The following CLIP2 variants were observed in gnomAD, a reference collection of about 807,000 sequenced individuals.
The protein encoded by CLIP2 is CAP-Gly domain-containing linker protein 2.
Under a neutral mutation model 111.7 loss-of-function variants are expected in CLIP2, and 41 were observed. The ratio of observed to expected loss-of-function variants is 0.37; its 90% CI spans 0.29 to 0.48. The LOEUF (loss-of-function observed/expected upper bound fraction) is 0.48. Among genes scored for constraint, CLIP2 ranks in the 20% least tolerant of loss-of-function variants. The pLI is 0.99. For missense variants in CLIP2, 1,160 were observed against 1,422.1 expected, an observed-to-expected ratio of 0.82 and a Z score of 2.96; for synonymous variants, 660 against 644.2, an observed-to-expected ratio of 1.02 and a Z score of -0.37.
chr7:74,294,585 G>A (rs545494749), intron 1 of CLIP2, among the ~76,000 whole-genome samples: 1 of 152,280 alleles, frequency 6.6e-6, no homozygotes, highest in South Asian at 2.1e-4. Context: ...ACCAGGAGGA[G>A]CGCCTGGTTT....
chr7:74,383,900 C>T (rs1554314360), intron 11 of CLIP2, among the ~76,000 whole-genome samples: 1 of 152,196 alleles, frequency 6.6e-6, no homozygotes, highest in Non-Finnish European at 1.5e-5. Context: ...CTTCTCCATC[C>T]TCCTCTCCCC....
chr7:74,354,665 G>A (rs1294728878), intron 4 of CLIP2, among the ~76,000 whole-genome samples: 1 of 152,052 alleles, frequency 6.6e-6, no homozygotes, highest in Non-Finnish European at 1.5e-5. Context: ...CAGCTACTTG[G>A]GAGGCTGAGA....
In CLIP2 at chr7:74,339,013, G is replaced by A. The variant is rs782550523; in HGVS notation, c.678+9G>A. The A allele has an allele frequency of 8.5e-5, 135 of 1,580,816 alleles. 5 individuals carry two copies. Among genetic ancestry groups the A allele is most frequent in the African/African-American group, 3.7e-4 (28 of 74,684 alleles). ...TGGGGGACCGCGTGCTGGTGAGTGC[G>A]GGCAGTACTGGGCTCTGGGCCCAGC... On this transcript the variant is annotated intron_variant, in intron 3 of 16. Coordinates refer to ENST00000223398, the MANE Select transcript of CLIP2 (RefSeq NM_003388.5).
intron 2 of CLIP2, among the ~76,000 whole-genome samples, chr7:74,324,188 C>T (rs782750997): frequency 3.9e-5 from 6 of 151,998 alleles, no homozygotes; most frequent in Non-Finnish European, 7.4e-5. Flanking sequence ...GACAGAGTTT[C>T]GCCATGTTGG....
rs552570911 is a variant in CLIP2 at position 74,312,944 on chromosome 7, G to A, written c.-67-4536G>A. 2.2e-4 allele frequency among the ~76,000 whole-genome samples: 34 copies of A among 152,138 alleles called. No homozygotes were observed. The South Asian group carries it at 7.1e-3, about 32-fold the overall frequency. ...ATGCCCTCACGCACATTCCTGACGC[G>A]AGCATTGTGGGTTGGCATCTGTATT... On this transcript the variant is annotated intron_variant, in intron 1 of 16. Coordinates refer to ENST00000223398, the MANE Select transcript of CLIP2 (RefSeq NM_003388.5).
At chr7:74,392,505 C>T (rs1371861015) in intron 13 of CLIP2, among the ~76,000 whole-genome samples, 1 of 151,936 alleles carries the variant, frequency 6.6e-6, no homozygotes, top group African/African-American at 2.4e-5. Flanking sequence ...GCCTGGGCGA[C>T]AGAGCAAGAC....
rs1789570090 is a variant in CLIP2 at position 74,338,949 on chromosome 7, A to T, written c.623A>T (p.Asp208Val). Residue 208 changes from aspartate to valine, a missense_variant, in exon 3 of 17, where the codon GAC (aspartate) becomes GTC (valine). Asp to Val is a radical substitution (Grantham distance 152, BLOSUM62 -3). Transcript: ENST00000223398. This position sits in a 1 kb window ranked among gnomAD's most constrained non-coding sequence, Gnocchi z 4.3. Reference sequence around the variant, plus strand: ...AACGAGTCGGGATCCAACCTCTCAGACAGCGGCTCTGTGAAGCGGGGCGAA... The same window carrying T: ...AACGAGTCGGGATCCAACCTCTCAGTCAGCGGCTCTGTGAAGCGGGGCGAA... ...TGNESGSNLS[D>V]SGSVKRGEKD... 6.3e-7 allele frequency: 1 copy of T among 1,599,818 alleles called. No individual in the cohort carries two copies. The highest frequency in any genetic ancestry group is 1.1e-5 in the South Asian group (1 of 91,086).
At chr7:74,343,380 T>C (rs1584344171) in intron 3 of CLIP2, among the ~76,000 whole-genome samples, 1 of 152,102 alleles carries the variant, frequency 6.6e-6, no homozygotes, top group Non-Finnish European at 1.5e-5. Flanking sequence ...TTAGTCTCCC[T>C]GACCTGTCCT....
rs2116424198 is a variant in CLIP2 at position 74,289,473 on chromosome 7, C to T, written c.-329C>T. On this transcript the variant is annotated 5_prime_UTR_variant, in exon 1 of 17. Transcript: ENST00000223398. The stretch of plus-strand genomic sequence containing the variant: ...CTCCGCTGGCTCCGCGGGCGCTCAG[C>T]TCGGCTCGGCCGCGGGGCGCGCAGG... The T allele has an allele frequency of 6.6e-6, 1 of 150,964 alleles. No homozygotes were observed. Among genetic ancestry groups the T allele is most frequent in the South Asian group, 2.1e-4 (1 of 4,826 alleles). The allele number at this position is 150,964 out of a possible 1,614,324, so 9.4% of individuals were successfully genotyped here.
intron 11 of CLIP2, among the ~76,000 whole-genome samples, chr7:74,385,957 G>C (rs1584383075): frequency 6.6e-6 from 1 of 151,380 alleles, no homozygotes; most frequent in East Asian, 1.9e-4. Flanking sequence ...GGTCAGGCTG[G>C]TCTCGAACTC....
intron 2 of CLIP2, among the ~76,000 whole-genome samples, chr7:74,324,840 C>A (rs1414080341): frequency 6.7e-6 from 1 of 149,456 alleles, no homozygotes; most frequent in Non-Finnish European, 1.5e-5. Context: ...AAAAAAAAAG[C>A]CTCTGGGAAG....
Position 74,366,875 on chromosome 7 carries a change from CAAAAAAAAAAAA to C in CLIP2, c.1380+2573_1380+2584del, listed in dbSNP as rs35336151. Among the ~76,000 whole-genome samples, 82 of 66,136 alleles carry C rather than the reference CAAAAAAAAAAAA, an allele frequency of 1.2e-3. 1 individual carries two copies. The highest frequency in any genetic ancestry group is 5.0e-3 in the African/African-American group (73 of 14,638). The allele number at this position is 66,136 out of a possible 152,430, so 43.4% of individuals were successfully genotyped here. Reference sequence around the variant, plus strand: ...TGGGCAGCAGAGTGAGACTCCTTCTCAAAAAAAAAAAAAAAAAAAAAAAAGGCCTGAAATCAA... The same window carrying C: ...TGGGCAGCAGAGTGAGACTCCTTCTCAAAAAAAAAAAAGGCCTGAAATCAA... On this transcript the variant is annotated intron_variant, in intron 8 of 16. Transcript: ENST00000223398.
intron 14 of CLIP2, among the ~76,000 whole-genome samples, chr7:74,397,847 T>G (rs1426382891): frequency 6.6e-6 from 1 of 151,456 alleles, no homozygotes; most frequent in Non-Finnish European, 1.5e-5. Flanking sequence ...TTTTGTATTT[T>G]TAGTAGAGAC....
At chr7:74,310,275 A>G (rs1788609131) in intron 1 of CLIP2, among the ~76,000 whole-genome samples, 1 of 151,838 alleles carries the variant, frequency 6.6e-6, no homozygotes. Context: ...CTGTAATCTC[A>G]GCACTTTGGT....
At chr7:74,316,749 A>G (rs1554729189) in intron 1 of CLIP2, among the ~76,000 whole-genome samples, 2 of 152,154 alleles carry the variant, frequency 1.3e-5, no homozygotes, top group African/African-American at 4.8e-5. Flanking sequence ...TTTAGTAGAC[A>G]CAGGGTTTCA....
chr7:74,355,718 T>A (rs1243524078), intron 4 of CLIP2, among the ~76,000 whole-genome samples: 1 of 152,244 alleles, frequency 6.6e-6, no homozygotes, highest in African/African-American at 2.4e-5. Context: ...ATAACAATGC[T>A]TTGCCTTCCT....
chr7:74,349,466 GTGTGTA>G (rs1314168063), intron 3 of CLIP2, among the ~76,000 whole-genome samples: 1 of 77,500 alleles, frequency 1.3e-5, no homozygotes, highest in African/African-American at 4.8e-5. Context: ...GTGTGTGTGT[GTGTGTA>G]TATATATATA....
intron 1 of CLIP2, among the ~76,000 whole-genome samples, chr7:74,301,061 G>A (rs552559001): frequency 7.8e-4 from 119 of 152,224 alleles, no homozygotes; most frequent in East Asian, 4.8e-3. Flanking sequence ...GTGTATACGC[G>A]TTCCCTTTCC....
chr7:74,364,976 A>G (rs902223261), intron 8 of CLIP2: 6 of 382,110 alleles, frequency 1.6e-5, no homozygotes, highest in Non-Finnish European at 2.6e-5. Context: ...GTGAGCTATG[A>G]TTGCGCCTGT....
Sources: gnomAD v4.1 joint callset for allele counts (sites outside exome capture counted in the v4.1 genomes callset) on GRCh38, gnomAD v4.1.1 for gene constraint, Gnocchi (gnomAD v3.1) non-coding constraint, MANE v1.5 for transcripts, NCBI Gene and HGNC (gene_info 2026-07-23, HGNC 2026-07-21) for gene names.